FUT9: variants seen among roughly 807,000 people sequenced by gnomAD.
The protein encoded by FUT9 is fucosyltransferase 9.
In FUT9, 15 loss-of-function variants were observed where a neutral mutation model predicts 29.7. The ratio of observed to expected loss-of-function variants is 0.51; its 90% CI spans 0.34 to 0.78. FUT9 has a LOEUF of 0.78. Ranked by LOEUF, FUT9 falls within the 30% of genes least tolerant of loss-of-function variation. The probability of loss-of-function intolerance (pLI) is 0.01; values close to 1 mark genes in which losing one functional copy is unlikely to be tolerated. For synonymous variants in FUT9, 169 were observed against 153.7 expected (o/e 1.10, Z -0.74); for missense variants, 319 against 425.4 (o/e 0.75, Z 2.20).
chr6:96,084,850 C>A (rs1582218732), intron 1 of FUT9, among the ~76,000 whole-genome samples: 2 of 152,114 alleles, frequency 1.3e-5, no homozygotes. Flanking sequence ...GATATACATC[C>A]CTGTTTATAT....
chr6:96,141,433 A>G (rs971127049), intron 2 of FUT9, among the ~76,000 whole-genome samples: 16 of 152,124 alleles, frequency 1.1e-4, no homozygotes, highest in African/African-American at 3.9e-4. Flanking sequence ...TAAGTCCTGT[A>G]AAAAAGACTC....
At chr6:96,127,301 T>C (rs955721462) in intron 2 of FUT9, among the ~76,000 whole-genome samples, 1 of 152,194 alleles carries the variant, frequency 6.6e-6, no homozygotes, top group African/African-American at 2.4e-5. Flanking sequence ...ACTTAGTTTC[T>C]TGTTTTTGCA....
chr6:96,026,024 C>T (rs1236596221), intron 1 of FUT9, among the ~76,000 whole-genome samples: 1 of 151,662 alleles, frequency 6.6e-6, no homozygotes, highest in Non-Finnish European at 1.5e-5. Flanking sequence ...AATGTCACCC[C>T]TTTATAATGG....
intron 2 of FUT9, among the ~76,000 whole-genome samples, chr6:96,176,846 G>A (rs771380180): frequency 3.3e-5 from 5 of 152,082 alleles, no homozygotes; most frequent in Admixed American, 1.3e-4. Context: ...AGCTCCTTTG[G>A]CGCTATGACT....
At chr6:96,193,027 C>G (rs1773544376) in intron 2 of FUT9, among the ~76,000 whole-genome samples, 1 of 151,252 alleles carries the variant, frequency 6.6e-6, no homozygotes, top group Admixed American at 6.6e-5. Context: ...GGGATCCCTT[C>G]CTTACACTTT....
chr6:96,188,632 A>AATAT (rs56357784), intron 2 of FUT9, among the ~76,000 whole-genome samples: 204 of 148,990 alleles, frequency 1.4e-3, no homozygotes, highest in South Asian at 2.3e-3. Context: ...TATAGAAAGA[A>AATAT]ATATATATAT....
rs143602028 is a variant in FUT9, at chr6:96,196,400, A to G, written c.-8-6748A>G. On this transcript the variant is annotated intron_variant, in intron 2 of 2. Transcript: ENST00000302103. ...CATATGGAAATGTGATTGGGCAAAA[A>G]TGATCTGACCTAATAATAATAAACA... 2.2e-4 allele frequency among the ~76,000 whole-genome samples: 33 copies of G among 152,242 alleles called. No individual in the cohort carries two copies. The East Asian group carries it at 6.0e-3, about 28-fold the overall frequency.
intron 2 of FUT9, among the ~76,000 whole-genome samples, chr6:96,164,350 C>G (rs892254592): frequency 1.3e-5 from 2 of 150,966 alleles, no homozygotes; most frequent in Admixed American, 6.6e-5. Context: ...CCTCCGCCTC[C>G]TGGGTTCACG....
At chr6:96,156,692 G>A (rs1198119817) in intron 2 of FUT9, among the ~76,000 whole-genome samples, 4 of 152,126 alleles carry the variant, frequency 2.6e-5, no homozygotes, top group Non-Finnish European at 5.9e-5. Context: ...TGTGGGTTAG[G>A]TCGGATGTTT....
At chr6:96,040,612 A>T (rs906144509) in intron 1 of FUT9, among the ~76,000 whole-genome samples, 2 of 152,154 alleles carry the variant, frequency 1.3e-5, no homozygotes, top group African/African-American at 4.8e-5. Context: ...GGTTGGAGTG[A>T]CTAAACCCAG....
chr6:96,193,438 A>G (rs1239084436), intron 2 of FUT9, among the ~76,000 whole-genome samples: 1 of 142,494 alleles, frequency 7.0e-6, no homozygotes, highest in African/African-American at 2.6e-5. Flanking sequence ...TGCAGCCAAA[A>G]AACAGATGAA....
At chr6:96,097,574 T>C (rs1311390435) in intron 1 of FUT9, among the ~76,000 whole-genome samples, 1 of 152,026 alleles carries the variant, frequency 6.6e-6, no homozygotes, top group African/African-American at 2.4e-5. Context: ...ATGCTGTAGA[T>C]AAGGTGAAAA....
At chr6:96,192,286 T>C (rs994576593) in intron 2 of FUT9, among the ~76,000 whole-genome samples, 2 of 152,176 alleles carry the variant, frequency 1.3e-5, no homozygotes, top group Admixed American at 1.3e-4. Flanking sequence ...GATGACATGA[T>C]TGTATATTTA....
intron 1 of FUT9, among the ~76,000 whole-genome samples, chr6:96,103,546 C>T (rs956876178): frequency 2.0e-4 from 31 of 152,144 alleles, no homozygotes; most frequent in Non-Finnish European, 7.4e-5. Context: ...GTCAGGCTTT[C>T]TCCGATGGCT....
At chr6:96,174,264 T>G (rs1335180922) in intron 2 of FUT9, among the ~76,000 whole-genome samples, 2 of 152,096 alleles carry the variant, frequency 1.3e-5, no homozygotes, top group Non-Finnish European at 2.9e-5. Context: ...GGGCAGCACA[T>G]TATTATAGAG....
At chr6:96,170,946 A>T (rs1292564789) in intron 2 of FUT9, among the ~76,000 whole-genome samples, 1 of 152,156 alleles carries the variant, frequency 6.6e-6, no homozygotes, top group East Asian at 1.9e-4. Flanking sequence ...TAGTTCACTC[A>T]TTCTGCTTTT....
intron 1 of FUT9, among the ~76,000 whole-genome samples, chr6:96,103,367 G>A (rs530706616): frequency 2.6e-4 from 39 of 151,860 alleles, no homozygotes; most frequent in Middle Eastern, 3.4e-3. Flanking sequence ...GCATCCCACC[G>A]TTACCTCAAC....
chr6:96,075,804 A>G (rs777153247), intron 1 of FUT9, among the ~76,000 whole-genome samples: 1 of 152,212 alleles, frequency 6.6e-6, no homozygotes, highest in East Asian at 1.9e-4. Context: ...ACAATGGGTC[A>G]ATGAAAGAGG....
intron 2 of FUT9, among the ~76,000 whole-genome samples, chr6:96,164,508 T>C (rs368345105): frequency 2.0e-3 from 310 of 152,252 alleles, no homozygotes; most frequent in African/African-American, 7.2e-3. Flanking sequence ...TCCACCCACC[T>C]TGGCCTCCCA....
Sources: allele counts gnomAD v4.1 joint callset (sites outside exome capture counted in the v4.1 genomes callset), GRCh38; gene constraint gnomAD v4.1.1; transcripts MANE v1.5; gene names NCBI Gene and HGNC (gene_info 2026-07-23, HGNC 2026-07-21).